The following KCNH7 variants were observed in gnomAD, a reference collection of about 807,000 sequenced individuals.
The protein encoded by KCNH7 is potassium voltage-gated channel subfamily H member 7.
Under a neutral mutation model 120.8 loss-of-function variants are expected in KCNH7, and 49 were observed. That is an observed-to-expected ratio of 0.41 (90% confidence interval 0.32 to 0.51). The LOEUF is 0.51. Ranked by LOEUF, KCNH7 falls within the 20% of genes least tolerant of loss-of-function variation. The pLI is 0.38. For synonymous variants in KCNH7, 547 were observed against 516.1 expected (o/e 1.06, Z -0.81); for missense variants, 1,097 against 1,446.6 (o/e 0.76, Z 3.92).
intron 2 of KCNH7, among the ~76,000 whole-genome samples, chr2:162,564,542 C>A (rs1016909180): frequency 6.6e-6 from 1 of 152,070 alleles, no homozygotes. Context: ...TTCTGCTTTT[C>A]TTTCTTGGAA....
At position 162,442,357 on chromosome 2, in the gene KCNH7, G is replaced by A. The variant is rs949940858; in HGVS notation, c.1554+3661C>T. 4.6e-5 allele frequency among the ~76,000 whole-genome samples: 7 copies of A among 151,592 alleles called. No individual in the cohort carries two copies. In the East Asian group the frequency reaches 1.2e-3, roughly 25 times the overall value. On this transcript the variant is annotated intron_variant, in intron 7 of 15. Coordinates refer to ENST00000332142, the MANE Select transcript of KCNH7 (RefSeq NM_033272.4). The stretch of plus-strand genomic sequence containing the variant: ...TGTCTTCTTTAGTAAAAACGTATAC[G>A]CCAATATATCCTCTTAGCATTTATT...
At chr2:162,802,547 C>A (rs962765789) in intron 2 of KCNH7, among the ~76,000 whole-genome samples, 9 of 151,678 alleles carry the variant, frequency 5.9e-5, no homozygotes, top group Non-Finnish European at 1.0e-4. Flanking sequence ...TATCTCTATA[C>A]CAGTGTTATC....
chr2:162,410,386 T>G (rs1171254894), intron 9 of KCNH7, among the ~76,000 whole-genome samples: 1 of 152,086 alleles, frequency 6.6e-6, no homozygotes, highest in Non-Finnish European at 1.5e-5. Flanking sequence ...TGCAGAAGAT[T>G]GAAACTGGAC....
At chr2:162,445,141 T>C (rs1688538357) in intron 7 of KCNH7, among the ~76,000 whole-genome samples, 1 of 152,130 alleles carries the variant, frequency 6.6e-6, no homozygotes, top group Non-Finnish European at 1.5e-5. Flanking sequence ...GAGGATTATG[T>C]TGTTCTAAAG....
chr2:162,739,395 C>A (rs755574146), intron 2 of KCNH7, among the ~76,000 whole-genome samples: 1 of 152,184 alleles, frequency 6.6e-6, no homozygotes, highest in Non-Finnish European at 1.5e-5. Flanking sequence ...CCTCATCTGA[C>A]ACATTGCCAG....
intron 2 of KCNH7, among the ~76,000 whole-genome samples, chr2:162,565,598 G>T (rs374670060): frequency 7.9e-5 from 12 of 151,960 alleles, no homozygotes; most frequent in African/African-American, 2.9e-4. Flanking sequence ...CTTGTTGAAT[G>T]GTGCTTAGTT....
At chr2:162,498,901 T>C (rs900193669) in intron 6 of KCNH7, among the ~76,000 whole-genome samples, 1 of 152,058 alleles carries the variant, frequency 6.6e-6, no homozygotes, top group African/African-American at 2.4e-5. Flanking sequence ...AGCAGATCTT[T>C]CTCTGTACCT....
chr2:162,756,446 C>T (rs551260122), intron 2 of KCNH7, among the ~76,000 whole-genome samples: 9 of 152,146 alleles, frequency 5.9e-5, no homozygotes, highest in Admixed American at 2.0e-4. Context: ...AATTTCAACT[C>T]TTTTGCTTCC....
intron 2 of KCNH7, among the ~76,000 whole-genome samples, chr2:162,814,282 T>C (rs925798448): frequency 8.5e-5 from 13 of 152,220 alleles, no homozygotes; most frequent in Admixed American, 7.2e-4. Flanking sequence ...TAATAGATGA[T>C]TCTAATTCCT....
chr2:162,396,299 G>A (rs1164559106), intron 11 of KCNH7, among the ~76,000 whole-genome samples: 1 of 151,732 alleles, frequency 6.6e-6, no homozygotes, highest in Admixed American at 6.6e-5. Context: ...AACTAAACTT[G>A]AATGAGGTTA....
intron 2 of KCNH7, among the ~76,000 whole-genome samples, chr2:162,831,910 G>A (rs1444817296): frequency 6.6e-6 from 1 of 152,116 alleles, no homozygotes; most frequent in African/African-American, 2.4e-5. Context: ...ACAAAGCTCA[G>A]CCACAGTTTT....
chr2:162,743,374 G>A (rs1428892523), intron 2 of KCNH7, among the ~76,000 whole-genome samples: 1 of 151,978 alleles, frequency 6.6e-6, no homozygotes, highest in Non-Finnish European at 1.5e-5. Context: ...GAAAGAAAGA[G>A]AAAGAAAATA....
chr2:162,734,082 T>C (rs977756486), intron 2 of KCNH7, among the ~76,000 whole-genome samples: 8 of 152,218 alleles, frequency 5.3e-5, no homozygotes, highest in Non-Finnish European at 8.8e-5. Flanking sequence ...CCAAAATTTA[T>C]GTTTTTTTTT....
intron 8 of KCNH7, among the ~76,000 whole-genome samples, chr2:162,426,643 C>T (rs1392657857): frequency 6.6e-6 from 1 of 152,106 alleles, no homozygotes; most frequent in African/African-American, 2.4e-5. Flanking sequence ...AAGATATTAG[C>T]TGAAACATGT....
intron 2 of KCNH7, chr2:162,771,964 A>G (rs1443319004): frequency 6.6e-6 from 1 of 152,162 alleles, no homozygotes; most frequent in East Asian, 1.9e-4. Flanking sequence ...TATTTATCTG[A>G]GGGCGATTGA....
intron 2 of KCNH7, among the ~76,000 whole-genome samples, chr2:162,788,988 TAAAAAAAAA>T (rs61348204): frequency 2.9e-5 from 3 of 105,142 alleles, no homozygotes; most frequent in Non-Finnish European, 3.8e-5. Flanking sequence ...AGGTACTGGT[TAAAAAAAAA>T]AAAAAAAAAA....
At chr2:162,519,920 T>A (rs751068969) in intron 3 of KCNH7, among the ~76,000 whole-genome samples, 12 of 151,776 alleles carry the variant, frequency 7.9e-5, no homozygotes, top group Non-Finnish European at 1.6e-4. Flanking sequence ...TCAAAACTCA[T>A]GAACATTTCT....
chr2:162,549,460 T>C (rs552629249), intron 2 of KCNH7, among the ~76,000 whole-genome samples: 1 of 152,338 alleles, frequency 6.6e-6, no homozygotes, highest in African/African-American at 2.4e-5. Flanking sequence ...TTACCTCTCT[T>C]AGGTAAGCTA....
intron 2 of KCNH7, among the ~76,000 whole-genome samples, chr2:162,553,640 C>A (rs1692758363): frequency 6.6e-6 from 1 of 151,816 alleles, no homozygotes; most frequent in Non-Finnish European, 1.5e-5. Flanking sequence ...CAGAGCGAGA[C>A]TGTCTCAAAA....
Sources: gnomAD v4.1 joint callset for allele counts (sites outside exome capture counted in the v4.1 genomes callset) on GRCh38, gnomAD v4.1.1 for gene constraint, MANE v1.5 for transcripts, NCBI Gene and HGNC (gene_info 2026-07-23, HGNC 2026-07-21) for gene names.